CCNH: variants seen among roughly 807,000 people sequenced by gnomAD.
CCNH encodes the protein cyclin-H.
In CCNH, 31 loss-of-function variants were observed where a neutral mutation model predicts 41.9. That is an observed-to-expected ratio of 0.74 (90% CI 0.56 to 1.00). The LOEUF is 1.00. Among genes scored for constraint, CCNH ranks in the 50% least tolerant of loss-of-function variants. CCNH has a pLI of 0.00. For missense variants in CCNH, 362 were observed against 388.4 expected, an observed-to-expected ratio of 0.93 and a Z score of 0.57; for synonymous variants, 138 against 136.1, an observed-to-expected ratio of 1.01 and a Z score of -0.10.
chr5:87,374,393 C>G, downstream of CCNH: 1 of 1,386,204 alleles, frequency 7.2e-7, no homozygotes, highest in Non-Finnish European at 9.9e-7. Flanking sequence ...TTTTTGGTCT[C>G]TGTATCTAAA....
intron 9 of CCNH, among the ~76,000 whole-genome samples, chr5:87,359,292 A>G (rs896186542): frequency 4.6e-5 from 7 of 152,196 alleles, no homozygotes; most frequent in Non-Finnish European, 8.8e-5. Context: ...ACTCTAACCA[A>G]TCAGATTACT....
At chr5:87,320,892 A>C (rs1433936236) in intron 9 of CCNH, among the ~76,000 whole-genome samples, 2 of 152,276 alleles carry the variant, frequency 1.3e-5, no homozygotes. Flanking sequence ...GTAGAGTTAC[A>C]CATAGTCTGA....
At chr5:87,404,527 A>G (rs896251632) in intron 5 of CCNH, among the ~76,000 whole-genome samples, 4 of 152,198 alleles carry the variant, frequency 2.6e-5, no homozygotes, top group Admixed American at 6.5e-5. Context: ...AGGGGAATAA[A>G]GATAAAACAA....
At chr5:87,335,381 C>G (rs181009757) in intron 9 of CCNH, among the ~76,000 whole-genome samples, 3 of 137,442 alleles carry the variant, frequency 2.2e-5, no homozygotes, top group Non-Finnish European at 3.1e-5. Context: ...GAAATAATGA[C>G]TTTTCTGATG....
intron 9 of CCNH, among the ~76,000 whole-genome samples, chr5:87,360,799 CATG>C (rs1397334230): frequency 6.6e-6 from 1 of 152,246 alleles, no homozygotes; most frequent in Non-Finnish European, 1.5e-5. Flanking sequence ...ATTCTGCCAT[CATG>C]ATAAGAGTCT....
chr5:87,380,881 A>T (rs1235959573), upstream of CCNH, among the ~76,000 whole-genome samples: 1 of 152,200 alleles, frequency 6.6e-6, no homozygotes, highest in Non-Finnish European at 1.5e-5. Context: ...TCTGTAGCTA[A>T]CTTCATATAG....
At chr5:87,389,422 G>A (rs776116656), downstream of CCNH, 11 of 1,614,144 alleles carry the variant, frequency 6.8e-6, no homozygotes, top group South Asian at 5.5e-5. Context: ...ACACTACAGA[G>A]CATTCTAGAA....
chr5:87,350,909 A>G (rs1283779145), intron 9 of CCNH, among the ~76,000 whole-genome samples: 2 of 151,724 alleles, frequency 1.3e-5, no homozygotes, highest in Non-Finnish European at 3.0e-5. Context: ...AGGATTTTGT[A>G]ATTGTTTTGG....
At chr5:87,332,317 A>G (rs1219646748) in intron 9 of CCNH, among the ~76,000 whole-genome samples, 1 of 152,108 alleles carries the variant, frequency 6.6e-6, no homozygotes, top group East Asian at 1.9e-4. Context: ...ATGCATGTAT[A>G]TATATGTAAG....
chr5:87,376,573 ATTAT>A (rs752438930), exon 1 of CCNH: 2 of 1,610,376 alleles, frequency 1.2e-6, no homozygotes, highest in South Asian at 1.1e-5. Flanking sequence ...GAGGTATTAA[ATTAT>A]TTATCAGTCT....
downstream of CCNH, among the ~76,000 whole-genome samples, chr5:87,313,706 A>C (rs1236813076): frequency 2.0e-5 from 3 of 152,236 alleles, no homozygotes; most frequent in Non-Finnish European, 4.4e-5. Flanking sequence ...ATGCCAAAAA[A>C]AGTCTAAGAA....
chr5:87,319,996 C>T (rs1399185961), intron 9 of CCNH, among the ~76,000 whole-genome samples: 1 of 152,188 alleles, frequency 6.6e-6, no homozygotes, highest in African/African-American at 2.4e-5. Flanking sequence ...TTAGAAATTT[C>T]TTCTGCCAGG....
chr5:87,378,346 C>T (rs763825962), upstream of CCNH: 2 of 1,596,234 alleles, frequency 1.3e-6, no homozygotes, highest in Non-Finnish European at 1.7e-6. Flanking sequence ...AATTTGGTCA[C>T]ATTAGGTCAG....
intron 9 of CCNH, among the ~76,000 whole-genome samples, chr5:87,361,225 T>C (rs2112452755): frequency 6.6e-6 from 1 of 152,316 alleles, no homozygotes; most frequent in Non-Finnish European, 1.5e-5. Flanking sequence ...AGTAAAACTT[T>C]ATGTATAAAA....
At chr5:87,385,257 G>A (rs756028544) in intron 9 of CCNH, 1 of 1,194,798 alleles carries the variant, frequency 8.4e-7, no homozygotes, top group Non-Finnish European at 1.3e-6. Context: ...AGCTGGAAGT[G>A]CTGTTGGACT....
intron 5 of CCNH, among the ~76,000 whole-genome samples, chr5:87,404,271 C>T (rs1580454998): frequency 6.6e-6 from 1 of 152,146 alleles, no homozygotes; most frequent in Non-Finnish European, 1.5e-5. Flanking sequence ...TATTTGCTGC[C>T]ACCTTATCAA....
intron 5 of CCNH, among the ~76,000 whole-genome samples, 166 bp downstream of exon 5, chr5:87,404,678 A>T (rs796236368): frequency 2.6e-5 from 4 of 152,228 alleles, no homozygotes; most frequent in Non-Finnish European, 1.5e-5. Context: ...TTAGTTTAAC[A>T]GTATTTTTCA....
chr5:87,342,325 G>T (rs1758533979), intron 9 of CCNH, among the ~76,000 whole-genome samples: 1 of 151,754 alleles, frequency 6.6e-6, no homozygotes, highest in Non-Finnish European at 1.5e-5. Flanking sequence ...TGCTAGGCTG[G>T]TTATTGTACC....
chr5:87,372,124 A>T (rs370069384), downstream of CCNH: 7 of 1,613,352 alleles, frequency 4.3e-6, no homozygotes, highest in Non-Finnish European at 5.9e-6. Flanking sequence ...GCAGGATTGG[A>T]TGAAAGGTCT....
Sources: allele counts gnomAD v4.1 joint callset (sites outside exome capture counted in the v4.1 genomes callset), GRCh38; gene constraint gnomAD v4.1.1; transcripts MANE v1.5; gene names NCBI Gene and HGNC (gene_info 2026-07-23, HGNC 2026-07-21).